The following SUGT1 variants were observed in gnomAD, a reference collection of about 807,000 sequenced individuals.
SUGT1 encodes SGT1 assembly cochaperone of MIS12 kinetochore complex.
Under a neutral mutation model 56.1 loss-of-function variants are expected in SUGT1, and 15 were observed. The observed-to-expected ratio is 0.27, with a 90% CI of 0.18 to 0.41. The LOEUF is 0.41. Ranked by LOEUF, SUGT1 falls within the 10% of genes least tolerant of loss-of-function variation. The pLI is 1.00. For missense variants in SUGT1, 347 were observed against 382.2 expected, an observed-to-expected ratio of 0.91 and a Z score of 0.77; for synonymous variants, 123 against 128.6, an observed-to-expected ratio of 0.96 and a Z score of 0.30.
Position 52,666,796 on chromosome 13 carries a change from A to G in SUGT1, c.520-16A>G. Reference sequence around the variant, plus strand: ...TATACATTTACAAAATGTGATGCTAATTTTGTGTTCATTAGTTGTCTGCTT... The same window carrying G: ...TATACATTTACAAAATGTGATGCTAGTTTTGTGTTCATTAGTTGTCTGCTT... On this transcript the variant is annotated splice_polypyrimidine_tract_variant and intron_variant, in intron 9 of 12. Transcript: ENST00000310528. 1 of 1,573,696 alleles carries G rather than the reference A, an allele frequency of 6.4e-7. No homozygotes were observed. The highest frequency in any genetic ancestry group is 8.7e-7 in the Non-Finnish European group (1 of 1,144,828).
At chr13:52,677,004 G>A (rs1369515884) in intron 11 of SUGT1, among the ~76,000 whole-genome samples, 2 of 152,178 alleles carry the variant, frequency 1.3e-5, no homozygotes, top group African/African-American at 4.8e-5. Flanking sequence ...TATAGCAATA[G>A]CTTCATTAAT....
intron 10 of SUGT1, among the ~76,000 whole-genome samples, chr13:52,675,322 C>A (rs1371169305): frequency 6.6e-6 from 1 of 152,190 alleles, no homozygotes; most frequent in Non-Finnish European, 1.5e-5. Context: ...GCCTGTAATC[C>A]TAGCACTTTG....
At chr13:52,683,249 AGAT>A (rs984598827) in intron 12 of SUGT1, among the ~76,000 whole-genome samples, 3 of 152,140 alleles carry the variant, frequency 2.0e-5, no homozygotes, top group Admixed American at 2.0e-4. Flanking sequence ...AATTTTTGGT[AGAT>A]GATCTTTGTC....
intron 5 of SUGT1, among the ~76,000 whole-genome samples, chr13:52,659,892 G>A (rs1486126791): frequency 1.5e-5 from 2 of 135,406 alleles, no homozygotes; most frequent in South Asian, 2.4e-4. Context: ...GCAGTGGCGC[G>A]ATCTCGACTC....
intron 7 of SUGT1, 56 bp downstream of exon 7, chr13:52,663,168 A>C: frequency 6.4e-7 from 1 of 1,557,848 alleles, no homozygotes; most frequent in Non-Finnish European, 8.8e-7. Flanking sequence ...TCAGCTACCA[A>C]ATATATTTGA....
chr13:52,683,621 A>G (rs1432353413), intron 12 of SUGT1, among the ~76,000 whole-genome samples: 4 of 152,202 alleles, frequency 2.6e-5, no homozygotes, highest in Non-Finnish European at 5.9e-5. Context: ...GAAGCATTGC[A>G]TCCTCTTCTG....
intron 11 of SUGT1, among the ~76,000 whole-genome samples, chr13:52,678,103 T>A (rs545748629): frequency 2.0e-5 from 3 of 152,340 alleles, no homozygotes; most frequent in African/African-American, 7.2e-5. Flanking sequence ...TTAAAACCTC[T>A]GTTCTCATCC....
chr13:52,687,927 C>T lies in SUGT1; in HGVS notation c.*92C>T. 1.4e-6 allele frequency: 1 copy of T among 730,430 alleles called. No individual in the cohort carries two copies. The allele number at this position is 730,430 out of a possible 1,614,324, so 45.2% of individuals were successfully genotyped here. A position where few individuals can be genotyped will look rare whatever the true frequency, so the allele number is the denominator to read the frequency against. On this transcript the variant is annotated 3_prime_UTR_variant, in exon 13 of 13. Transcript: ENST00000310528. ...TTCTTGAATTTTGAACACTGAATAT[C>T]TTTTTGAAAGATTATACTTCTTTAC...
intron 10 of SUGT1, among the ~76,000 whole-genome samples, chr13:52,674,066 T>TTTC (rs1483654186): frequency 7.4e-4 from 109 of 146,588 alleles, no homozygotes; most frequent in African/African-American, 2.7e-3. Flanking sequence ...TTTTTTTTTT[T>TTTC]TTTTTTTTGA....
intron 6 of SUGT1, 67 bp from the exon 7 acceptor site, chr13:52,663,029 T>C: frequency 6.5e-7 from 1 of 1,531,598 alleles, no homozygotes; most frequent in Non-Finnish European, 8.9e-7. Flanking sequence ...GCTATAGAAA[T>C]CATACAAATA....
chr13:52,686,107 T>C (rs1314711510), intron 12 of SUGT1, among the ~76,000 whole-genome samples: 2 of 152,122 alleles, frequency 1.3e-5, no homozygotes, highest in African/African-American at 4.8e-5. Flanking sequence ...TTTGTAGTTT[T>C]AGTAGAGATG....
At chr13:52,667,184 A>T (rs941455204) in intron 10 of SUGT1, among the ~76,000 whole-genome samples, 2 of 152,186 alleles carry the variant, frequency 1.3e-5, no homozygotes, top group Non-Finnish European at 2.9e-5. Flanking sequence ...GGGTTTTTTT[A>T]AAAAGATACA....
intron 10 of SUGT1, among the ~76,000 whole-genome samples, chr13:52,668,273 C>T (rs112267912): frequency 6.6e-6 from 1 of 152,312 alleles, no homozygotes; most frequent in East Asian, 1.9e-4. Flanking sequence ...AGCCACTGCA[C>T]CTGGCCTATT....
chr13:52,692,063 ACAATGAATGCTG>A lies in SUGT1; in HGVS notation c.*4229_*4240del, dbSNP rs1443932890. ...TCCTCCAAATCAGCTAAAATCATAT[ACAATGAATGCTG>A]ACTCATTACTGCAAATAGTGGTAGT... On this transcript the variant is annotated 3_prime_UTR_variant, in exon 13 of 13. Transcript: ENST00000310528. 1 of 152,216 alleles carries A rather than the reference ACAATGAATGCTG, an allele frequency of 6.6e-6. No individual in the cohort carries two copies. Among genetic ancestry groups the A allele is most frequent in the Non-Finnish European group, 1.5e-5 (1 of 68,040 alleles). The allele number at this position is 152,216 out of a possible 1,614,324, so 9.4% of individuals were successfully genotyped here. A position where few individuals can be genotyped will look rare whatever the true frequency, so the allele number is the denominator to read the frequency against.
chr13:52,667,348 TTTG>T lies in SUGT1; in HGVS notation c.627+442_627+444del, dbSNP rs201015166. On this transcript the variant is annotated intron_variant, in intron 10 of 12. Coordinates refer to ENST00000310528, the MANE Select transcript of SUGT1 (RefSeq NM_006704.5). ...AAAGATGAATCTGCCTTTTGTTTTT[TTTG>T]TTGTTGTTGTTGAGACGGAGTCTTG... Among the ~76,000 whole-genome samples, 103 of 152,268 alleles carry T rather than the reference TTTG, an allele frequency of 6.8e-4. No individual in the cohort carries two copies. The East Asian group carries it at 0.016, about 23-fold the overall frequency.
chr13:52,700,902 G>A lies in SUGT1; in HGVS notation c.*13067G>A, dbSNP rs874765. 1 of 152,156 alleles carries A rather than the reference G, an allele frequency of 6.6e-6. No homozygotes were observed. The highest frequency in any genetic ancestry group is 2.4e-5 in the African/African-American group (1 of 41,422). The allele number at this position is 152,156 out of a possible 1,614,324, so 9.4% of individuals were successfully genotyped here. ...GTATTTCAGTATAATAAAATCTGAT[G>A]TAAGAAACTGTTGAGTGGGTTAAGT... On this transcript the variant is annotated 3_prime_UTR_variant, in exon 13 of 13. Transcript: ENST00000310528.
chr13:52,673,136 C>G (rs1387359937), intron 10 of SUGT1, among the ~76,000 whole-genome samples: 2 of 152,132 alleles, frequency 1.3e-5, no homozygotes, highest in South Asian at 2.1e-4. Flanking sequence ...ACTATCTGCC[C>G]GAATCATGAA....
At chr13:52,685,256 C>CTTT (rs59104304) in intron 12 of SUGT1, among the ~76,000 whole-genome samples, 4 of 87,730 alleles carry the variant, frequency 4.6e-5, no homozygotes, top group Non-Finnish European at 6.7e-5. Flanking sequence ...TCTTCTTCTT[C>CTTT]TTTTTTTTTT....
chr13:52,659,814 A>ATTTT (rs71088033), intron 5 of SUGT1, among the ~76,000 whole-genome samples: 1 of 58,726 alleles, frequency 1.7e-5, no homozygotes, highest in African/African-American at 7.4e-5. Flanking sequence ...ATATATATAT[A>ATTTT]TTTTTTTTTT....
Sources: allele counts gnomAD v4.1 joint callset (sites outside exome capture counted in the v4.1 genomes callset), GRCh38; gene constraint gnomAD v4.1.1; transcripts MANE v1.5; gene names NCBI Gene and HGNC (gene_info 2026-07-23, HGNC 2026-07-21).